The following MYH7B variants were observed in gnomAD, a reference collection of about 807,000 sequenced individuals.
MYH7B encodes the protein myosin-7B.
A neutral mutation model predicts 234.5 loss-of-function variants in MYH7B; 205 were observed. The ratio of observed to expected loss-of-function variants is 0.87; its 90% CI spans 0.78 to 0.98. The LOEUF (loss-of-function observed/expected upper bound fraction) is 0.98. Ranked by LOEUF, MYH7B falls within the 50% of genes least tolerant of loss-of-function variation. The pLI is 0.00. For missense variants in MYH7B, 2,652 were observed against 2,633.4 expected (o/e 1.01, Z -0.15); for synonymous variants, 1,193 against 1,105.0 (o/e 1.08, Z -1.58).
chr20:35,001,551 C>T (rs767741618), intron 43 of MYH7B, 25 bp downstream of exon 43: 1 of 1,572,294 alleles, frequency 6.4e-7, no homozygotes, highest in African/African-American at 1.4e-5. Flanking sequence ...GCCTGGACAC[C>T]TGGACCGGGC....
intron 3 of MYH7B, among the ~76,000 whole-genome samples, chr20:34,976,645 A>G (rs1032309113): frequency 1.3e-5 from 2 of 152,110 alleles, no homozygotes; most frequent in Non-Finnish European, 2.9e-5. Context: ...ACTGGGTTAC[A>G]TTTCCTTGAT....
At chr20:35,000,876 A>G in exon 40 of MYH7B, 2 of 1,612,912 alleles carry the variant, frequency 1.2e-6, no homozygotes, top group Non-Finnish European at 1.7e-6. Context: ...GGAGAAGGCC[A>G]AAAAGGCCAT....
chr20:34,971,279 A>C (rs369439569), intron 2 of MYH7B, among the ~76,000 whole-genome samples: 2 of 152,112 alleles, frequency 1.3e-5, no homozygotes, highest in Non-Finnish European at 2.9e-5. Flanking sequence ...TCATCCTCCA[A>C]TGATGTCAGG....
At chr20:34,985,586 C>T (rs1278062203) in intron 13 of MYH7B, among the ~76,000 whole-genome samples, 1 of 57,044 alleles carries the variant, frequency 1.8e-5, no homozygotes, top group African/African-American at 1.1e-4. Flanking sequence ...GCCCCAGTAC[C>T]ACCAGCTGCA....
exon 14 of MYH7B, chr20:34,986,135 C>T: frequency 6.3e-7 from 1 of 1,596,240 alleles, no homozygotes; most frequent in Non-Finnish European, 8.5e-7. Flanking sequence ...CTTCCAGTTG[C>T]CTGGTGAGCG....
At position 34,993,245 on chromosome 20, in the gene MYH7B, A is replaced by T; in HGVS notation, c.2307+20A>T. On this transcript the variant is annotated intron_variant, in intron 25 of 44. Coordinates refer to ENST00000262873, the Ensembl canonical transcript of MYH7B. ...ACCAAGGTCGGGGCACTGTGGGATC[A>T]GGGCTGGCCATGGCTGTGGCGGTCA... 2 of 1,613,928 alleles carry T rather than the reference A, an allele frequency of 1.2e-6. No individual in the cohort carries two copies. The highest frequency in any genetic ancestry group is 1.7e-6 in the Non-Finnish European group (2 of 1,179,902).
chr20:34,988,967 A>ACCTAGCTAATTAGCC, intron 19 of MYH7B, among the ~76,000 whole-genome samples: 1 of 151,992 alleles, frequency 6.6e-6, no homozygotes, highest in East Asian at 1.9e-4. Flanking sequence ...GCGCCACCAC[A>ACCTAGCTAATTAGCC]CCTAGCTAAT....
intron 2 of MYH7B, among the ~76,000 whole-genome samples, chr20:34,968,091 C>T (rs890689293): frequency 1.3e-5 from 2 of 152,220 alleles, no homozygotes; most frequent in Admixed American, 1.3e-4. Flanking sequence ...TTTCTCTCAA[C>T]CACATTACAA....
In MYH7B at chr20:34,999,045, C is replaced by T. The variant is rs754128528; in HGVS notation, c.4191-11C>T. 15 of 1,603,004 alleles carry T rather than the reference C, an allele frequency of 9.4e-6. No individual in the cohort carries two copies. The highest frequency in any genetic ancestry group is 1.2e-5 in the Non-Finnish European group (14 of 1,174,572). On this transcript the variant is annotated splice_polypyrimidine_tract_variant and intron_variant, in intron 35 of 44. Transcript: ENST00000262873. ...TCCATGGTCCACACCTTGTCTGGTT[C>T]CATGGCCTAGAAAAAAGCTGGCACT...
exon 30 of MYH7B, chr20:34,996,679 G>A (rs1569058172): frequency 6.2e-7 from 1 of 1,613,666 alleles, no homozygotes; most frequent in Non-Finnish European, 8.5e-7. Context: ...GCGCAAGCTG[G>A]AGGGTGACCT....
intron 2 of MYH7B, among the ~76,000 whole-genome samples, chr20:34,961,821 A>C (rs1228934072): frequency 6.6e-6 from 1 of 152,262 alleles, no homozygotes; most frequent in Non-Finnish European, 1.5e-5. Context: ...AGCATGGATC[A>C]GAACTTTATT....
At chr20:34,999,546 CCT>C (rs777515228) in intron 36 of MYH7B, 23 bp from the exon 37 acceptor site, 220 of 1,571,762 alleles carry the variant, frequency 1.4e-4, no homozygotes, top group Non-Finnish European at 1.7e-4. Flanking sequence ...ATGGGGGTGG[CCT>C]CTCAGCACCC....
chr20:34,993,033 T>C, intron 24 of MYH7B, 69 bp from the exon 25 acceptor site: 1 of 1,557,032 alleles, frequency 6.4e-7, no homozygotes, highest in Non-Finnish European at 8.7e-7. Context: ...AGTCCCTGAC[T>C]TCCCCATTCT....
At chr20:34,984,630 C>A in intron 10 of MYH7B, 62 bp from the exon 11 acceptor site, 2 of 1,459,588 alleles carry the variant, frequency 1.4e-6, no homozygotes, top group South Asian at 1.2e-5. Context: ...GATACCCTGC[C>A]CCACCCCGCC....
chr20:34,995,187 C>A, intron 27 of MYH7B, 149 bp from the exon 28 acceptor site: 1 of 763,254 alleles, frequency 1.3e-6, no homozygotes, highest in South Asian at 1.8e-5. Context: ...CCCTTCCATG[C>A]CCAAGAGCGA....
rs934242871 is a variant in MYH7B at position 34,963,097 on chromosome 20, CA to C, written c.-222+4892del. ...TGGGTGACAGAGCGAGACTCCGTCT[CA>C]AAAAAAGAAGTCATAAATGCTATAT... On this transcript the variant is annotated intron_variant, in intron 2 of 44. Coordinates refer to ENST00000262873, the Ensembl canonical transcript of MYH7B. 5.9e-5 allele frequency among the ~76,000 whole-genome samples: 9 copies of C among 151,944 alleles called. No homozygotes were observed. The East Asian group carries it at 1.7e-3, about 29-fold the overall frequency.
rs2082189279 is a variant in MYH7B at position 34,993,228 on chromosome 20, CG to C, written c.2307+7del. On this transcript the variant is annotated splice_donor_region_variant and intron_variant, in intron 25 of 44. Transcript: ENST00000262873. ...AGTACCAGTTTGGCCACACCAAGGT[CG>C]GGGCACTGTGGGATCAGGGCTGGCC... 2 of 1,613,786 alleles carry C rather than the reference CG, an allele frequency of 1.2e-6. No individual in the cohort carries two copies. Among genetic ancestry groups the C allele is most frequent in the Non-Finnish European group, 1.7e-6 (2 of 1,179,936 alleles).
intron 27 of MYH7B, among the ~76,000 whole-genome samples, chr20:34,995,081 T>C (rs1347280558): frequency 6.6e-6 from 1 of 152,234 alleles, no homozygotes; most frequent in Non-Finnish European, 1.5e-5. Context: ...AGCAGCGGGC[T>C]TCCCTCTCAG....
At chr20:34,999,750 T>TTTCCCCC in intron 37 of MYH7B, 41 bp from the exon 38 acceptor site, 1 of 1,320,534 alleles carries the variant, frequency 7.6e-7, no homozygotes, top group Admixed American at 2.0e-5. Flanking sequence ...CCACTGGCCA[T>TTTCCCCC]CCCCCCCCCC....
Sources: gnomAD v4.1 joint callset for allele counts (sites outside exome capture counted in the v4.1 genomes callset) on GRCh38, gnomAD v4.1.1 for gene constraint, MANE v1.5 for transcripts, NCBI Gene and HGNC (gene_info 2026-07-23, HGNC 2026-07-21) for gene names.